Variants in PRH1 observed in about 807,000 individuals in gnomAD.
PRH1 encodes proline rich protein HaeIII subfamily 1.
Under a neutral mutation model 7.9 loss-of-function variants are expected in PRH1, and 7 were observed. The observed-to-expected ratio is 0.89, with a 90% CI of 0.50 to 1.67. PRH1 has a LOEUF of 1.67. Among genes scored for constraint, PRH1 ranks in the 40% most tolerant of loss-of-function variants. The probability of loss-of-function intolerance (pLI) is 0.00; values close to 1 mark genes in which losing one functional copy is unlikely to be tolerated. For missense variants in PRH1, 109 were observed against 223.6 expected (o/e 0.49, Z 3.27); for synonymous variants, 45 against 80.8 (o/e 0.56, Z 2.38).
chr12:10,885,723 G>A (rs1026506451), upstream of PRH1, among the ~76,000 whole-genome samples: 5 of 152,188 alleles, frequency 3.3e-5, no homozygotes, highest in African/African-American at 1.2e-4. Context: ...TTCCATTTCA[G>A]ACCTTGAGTA....
intron 1 of PRH1, among the ~76,000 whole-genome samples, chr12:11,111,662 G>A (rs371887049): frequency 6.6e-6 from 1 of 152,192 alleles, no homozygotes; most frequent in Non-Finnish European, 1.5e-5. Context: ...AGTGTTTAGA[G>A]GGAAATTTAT....
At chr12:11,071,530 T>G (rs1839568) in intron 1 of PRH1, among the ~76,000 whole-genome samples, 3 of 152,028 alleles carry the variant, frequency 2.0e-5, no homozygotes, top group Non-Finnish European at 4.4e-5. Flanking sequence ...AAAGAGCTTG[T>G]TTACTCAGGT....
chr12:11,013,527 T>C (rs1941154364), intron 1 of PRH1, among the ~76,000 whole-genome samples: 2 of 152,154 alleles, frequency 1.3e-5, no homozygotes, highest in South Asian at 2.1e-4. Flanking sequence ...AACTGTACAA[T>C]TGCAAGTAAT....
In PRH1 at chr12:10,897,541, C is replaced by A. The variant is rs570973103; in HGVS notation, c.-58-13266G>T. On this transcript the variant is annotated intron_variant, in intron 2 of 3. Transcript: ENST00000539853. ...TTCTTGCATTGCTATAAAGAAACAC[C>A]TGAAACTGGGTTTCTGTAAGAGGTT... Among the ~76,000 whole-genome samples, 5 of 152,306 alleles carry A rather than the reference C, an allele frequency of 3.3e-5. No individual in the cohort carries two copies. In the East Asian group the frequency reaches 9.6e-4, roughly 29 times the overall value.
Position 11,168,280 on chromosome 12 carries a change from GAAAGAAAGAAAGAAAGAAA to G in PRH1, n.39+3123_39+3141del, listed in dbSNP as rs1947670390. 2.9e-3 allele frequency among the ~76,000 whole-genome samples: 91 copies of G among 31,336 alleles called. 10 individuals are homozygous for G. The highest frequency in any genetic ancestry group is 5.2e-3 in the Non-Finnish European group (68 of 13,118). The allele number at this position is 31,336 out of a possible 152,430, so 20.6% of individuals were successfully genotyped here. A position where few individuals can be genotyped will look rare whatever the true frequency, so the allele number is the denominator to read the frequency against. ...AGAAAGAAAGAAAGAAAGAAAGAAA[GAAAGAAAGAAAGAAAGAAA>G]GAAGGAAGGAAGGAAGGAAGGAAGG... On this transcript the variant is annotated intron_variant and non_coding_transcript_variant, in intron 1 of 1. Transcript: ENST00000541175.
intron 1 of PRH1, among the ~76,000 whole-genome samples, chr12:10,994,628 A>C (rs1940119298): frequency 6.8e-6 from 1 of 147,880 alleles, no homozygotes; most frequent in Admixed American, 6.9e-5. Flanking sequence ...CTTTAATATC[A>C]GACATTTGCT....
intron 1 of PRH1, among the ~76,000 whole-genome samples, chr12:11,080,226 T>G (rs1313732652): frequency 8.5e-6 from 1 of 118,138 alleles, no homozygotes; most frequent in East Asian, 2.1e-4. Flanking sequence ...TGTTTATAGG[T>G]GCAATCCTAT....
chr12:10,986,018 C>T (rs749227460), intron 1 of PRH1: 1 of 1,613,848 alleles, frequency 6.2e-7, no homozygotes, highest in Non-Finnish European at 8.5e-7. Flanking sequence ...TCTTGGTTCT[C>T]CAAATTAGGA....
At chr12:11,077,450 G>T (rs1565628609) in intron 1 of PRH1, 1 of 761,124 alleles carries the variant, frequency 1.3e-6, no homozygotes, top group Middle Eastern at 2.4e-4. Flanking sequence ...CCAAGAGTTT[G>T]GCAAAGCAGG....
chr12:11,059,885 T>C (rs1270063080), intron 1 of PRH1, among the ~76,000 whole-genome samples: 1 of 152,188 alleles, frequency 6.6e-6, no homozygotes, highest in East Asian at 1.9e-4. Context: ...CATTAAAATA[T>C]CATTTTTGAC....
downstream of PRH1, among the ~76,000 whole-genome samples, chr12:11,119,044 T>G (rs557944448): frequency 2.1e-5 from 3 of 143,782 alleles, no homozygotes; most frequent in East Asian, 6.4e-4. Context: ...GTGGTACATA[T>G]ACACAGTGGA....
At chr12:11,019,334 GAC>G (rs1294091840) in intron 1 of PRH1, among the ~76,000 whole-genome samples, 1 of 152,144 alleles carries the variant, frequency 6.6e-6, no homozygotes, top group Non-Finnish European at 1.5e-5. Flanking sequence ...TCAACATCAC[GAC>G]ACATGGTTTT....
chr12:10,998,371 G>A (rs576971139), intron 1 of PRH1, among the ~76,000 whole-genome samples: 2 of 152,022 alleles, frequency 1.3e-5, no homozygotes, highest in South Asian at 4.2e-4. Context: ...AAATCACTAT[G>A]GATTTATTTT....
chr12:10,930,581 C>A, intron 2 of PRH1: 1 of 1,581,176 alleles, frequency 6.3e-7, no homozygotes, highest in Non-Finnish European at 8.6e-7. Context: ...GAGGGGCCGG[C>A]CGTGTGGTGA....
upstream of PRH1, among the ~76,000 whole-genome samples, chr12:10,885,395 C>CT (rs893244373): frequency 4.5e-4 from 68 of 151,700 alleles, no homozygotes; most frequent in African/African-American, 1.5e-3. Context: ...CGTCCTATAT[C>CT]TTTTTTTTTC....
At chr12:11,066,950 G>A (rs1241394801) in intron 1 of PRH1, among the ~76,000 whole-genome samples, 1 of 152,052 alleles carries the variant, frequency 6.6e-6, no homozygotes, top group African/African-American at 2.4e-5. Flanking sequence ...CTATTTTGGG[G>A]CTTTTTGGGC....
rs1292344929 is a variant in PRH1 at position 10,932,412 on chromosome 12, T to G, written c.-59+41243A>C. Reference sequence around the variant, plus strand: ...TAAGAACATCCAGGACCCCTTCTCCTTGATGTTTCCAGCAAGCTTCTTTCC... The same window carrying G: ...TAAGAACATCCAGGACCCCTTCTCCGTGATGTTTCCAGCAAGCTTCTTTCC... On this transcript the variant is annotated intron_variant, in intron 2 of 3. Transcript: ENST00000539853. 1.4e-5 allele frequency: 3 copies of G among 209,428 alleles called. No homozygotes were observed. In the East Asian group the frequency reaches 2.9e-4, roughly 20 times the overall value. 13.0% of individuals were successfully genotyped at this position (209,428 alleles called of 1,614,324 possible).
intron 1 of PRH1, among the ~76,000 whole-genome samples, chr12:11,013,927 CCA>C (rs1233390695): frequency 2.6e-5 from 4 of 152,150 alleles, no homozygotes; most frequent in Admixed American, 6.6e-5. Flanking sequence ...CTGGGTTTCA[CCA>C]TGTTTCCCAG....
At chr12:10,931,558 C>G (rs977284442) in intron 2 of PRH1, among the ~76,000 whole-genome samples, 1 of 152,096 alleles carries the variant, frequency 6.6e-6, no homozygotes, top group Non-Finnish European at 1.5e-5. Flanking sequence ...CATGCTTAAG[C>G]TAACAAAAAC....
Sources: allele counts gnomAD v4.1 joint callset (sites outside exome capture counted in the v4.1 genomes callset), GRCh38; gene constraint gnomAD v4.1.1; transcripts MANE v1.5; gene names NCBI Gene and HGNC (gene_info 2026-07-23, HGNC 2026-07-21).